The following NUBPL variants were observed in gnomAD, a reference collection of about 807,000 sequenced individuals.
The protein encoded by NUBPL is iron-sulfur cluster transfer protein NUBPL.
In NUBPL, 31 loss-of-function variants were observed where a neutral mutation model predicts 45.7. The observed-to-expected ratio is 0.68, with a 90% confidence interval of 0.51 to 0.92. The LOEUF (loss-of-function observed/expected upper bound fraction) is 0.92. NUBPL is among the 40% of genes least tolerant of loss of function. The pLI is 0.00. For missense variants in NUBPL, 401 were observed against 398.7 expected (o/e 1.01, Z -0.05); for synonymous variants, 144 against 140.9 (o/e 1.02, Z -0.15).
intron 6 of NUBPL, among the ~76,000 whole-genome samples, chr14:31,699,959 G>A (rs935429462): frequency 6.6e-6 from 1 of 152,180 alleles, no homozygotes; most frequent in Non-Finnish European, 1.5e-5. Context: ...AAAATGTTAA[G>A]TATGTGAGGT....
At chr14:31,640,927 C>T (rs2035675822) in intron 4 of NUBPL, among the ~76,000 whole-genome samples, 1 of 149,728 alleles carries the variant, frequency 6.7e-6, no homozygotes, top group Admixed American at 6.8e-5. Context: ...TATTGAATAC[C>T]AGGTCTTATT....
At chr14:31,649,649 C>T (rs867383466) in intron 4 of NUBPL, among the ~76,000 whole-genome samples, 2 of 152,092 alleles carry the variant, frequency 1.3e-5, no homozygotes, top group South Asian at 4.1e-4. Flanking sequence ...TAAAGTCTCA[C>T]CTAAGTTGAC....
intron 7 of NUBPL, among the ~76,000 whole-genome samples, chr14:31,809,226 G>A (rs142188748): frequency 5.9e-4 from 90 of 152,236 alleles, no homozygotes; most frequent in African/African-American, 1.8e-3. Flanking sequence ...GATAGAATTC[G>A]GCTGTGAATC....
At chr14:31,853,031 A>C (rs145484590) in intron 10 of NUBPL, among the ~76,000 whole-genome samples, 24 of 152,218 alleles carry the variant, frequency 1.6e-4, no homozygotes, top group African/African-American at 5.5e-4. Flanking sequence ...AAAACCTATA[A>C]TGTTATTTGT....
chr14:31,613,985 A>G (rs1308828174), intron 4 of NUBPL, among the ~76,000 whole-genome samples: 1 of 152,104 alleles, frequency 6.6e-6, no homozygotes, highest in African/African-American at 2.4e-5. Context: ...GTTTGTATTC[A>G]TTTTATTGCA....
chr14:31,841,917 C>CTTTTGTTTTTTTTTTTTTTTTTTTTTTT lies in NUBPL; in HGVS notation c.694-4550_694-4549insGTTTTTTTTTTTTTTTTTTTTTTTTTTT. 1.8e-3 allele frequency among the ~76,000 whole-genome samples: 77 copies of CTTTTGTTTTTTTTTTTTTTTTTTTTTTT among 43,050 alleles called. 8 individuals are homozygous for CTTTTGTTTTTTTTTTTTTTTTTTTTTTT. Among genetic ancestry groups the CTTTTGTTTTTTTTTTTTTTTTTTTTTTT allele is most frequent in the Non-Finnish European group, 2.3e-3 (54 of 23,472 alleles). 28.2% of individuals were successfully genotyped at this position (43,050 alleles called of 152,430 possible). A position where few individuals can be genotyped will look rare whatever the true frequency, so the allele number is the denominator to read the frequency against. Reference sequence around the variant, plus strand: ...CTTTCATGTATGGGTCGATTCTGGGCTTTTTTTTTTTTTTTTTTTTTTTTT... The same window carrying CTTTTGTTTTTTTTTTTTTTTTTTTTTTT: ...CTTTCATGTATGGGTCGATTCTGGGCTTTTGTTTTTTTTTTTTTTTTTTTTTTTTTTTTTTTTTTTTTTTTTTTTTTTT... On this transcript the variant is annotated intron_variant, in intron 8 of 10. Coordinates refer to ENST00000281081, the MANE Select transcript of NUBPL (RefSeq NM_025152.3).
At chr14:31,757,705 C>A (rs542450442) in intron 6 of NUBPL, among the ~76,000 whole-genome samples, 1 of 152,176 alleles carries the variant, frequency 6.6e-6, no homozygotes, top group African/African-American at 2.4e-5. Context: ...GGTTCATGTA[C>A]TGTTTATTCT....
chr14:31,569,319 C>T (rs1042015200), intron 3 of NUBPL, among the ~76,000 whole-genome samples: 1 of 152,088 alleles, frequency 6.6e-6, no homozygotes, highest in African/African-American at 2.4e-5. Context: ...GCCTCATCCT[C>T]CTGAGCAGCT....
intron 4 of NUBPL, among the ~76,000 whole-genome samples, chr14:31,637,880 A>C (rs2035554167): frequency 6.6e-6 from 1 of 152,094 alleles, no homozygotes; most frequent in Non-Finnish European, 1.5e-5. Context: ...GTTGGTTTAA[A>C]GTCTGTTTTA....
intron 4 of NUBPL, among the ~76,000 whole-genome samples, chr14:31,639,248 G>A (rs1055740228): frequency 9.9e-5 from 15 of 152,110 alleles, no homozygotes; most frequent in South Asian, 2.1e-4. Flanking sequence ...TGATGGTGAT[G>A]TACAGATGGG....
intron 6 of NUBPL, among the ~76,000 whole-genome samples, chr14:31,704,769 A>C (rs1205922591): frequency 6.6e-6 from 1 of 152,062 alleles, no homozygotes; most frequent in African/African-American, 2.4e-5. Context: ...TCTACCCACC[A>C]CCTTGGATAA....
At chr14:31,827,435 C>A (rs1213973124) in intron 8 of NUBPL, among the ~76,000 whole-genome samples, 2 of 151,588 alleles carry the variant, frequency 1.3e-5, no homozygotes, top group Non-Finnish European at 2.9e-5. Context: ...GAAAGAAGAA[C>A]CTGTGTATGT....
At chr14:31,657,303 T>C (rs2036163349) in intron 4 of NUBPL, among the ~76,000 whole-genome samples, 1 of 152,208 alleles carries the variant, frequency 6.6e-6, no homozygotes, top group Non-Finnish European at 1.5e-5. Flanking sequence ...ATATGGGCCA[T>C]TCATATAAGC....
chr14:31,593,533 A>AAAAAAAAAAG, intron 3 of NUBPL, among the ~76,000 whole-genome samples: 1 of 151,250 alleles, frequency 6.6e-6, no homozygotes, highest in African/African-American at 2.4e-5. Context: ...AAAAAAAAAA[A>AAAAAAAAAAG]AAAAGAGTGA....
At chr14:31,858,011 CAG>C (rs1359477918) in intron 10 of NUBPL, among the ~76,000 whole-genome samples, 3 of 152,082 alleles carry the variant, frequency 2.0e-5, no homozygotes, top group Admixed American at 6.6e-5. Context: ...AAAGACATAC[CAG>C]AGACTGGGCA....
chr14:31,697,937 A>G (rs1406537836), intron 6 of NUBPL, among the ~76,000 whole-genome samples: 2 of 152,122 alleles, frequency 1.3e-5, no homozygotes, highest in African/African-American at 4.8e-5. Context: ...GTCAGATGTC[A>G]AAAGCCTACT....
At chr14:31,626,169 AT>A (rs1022854067) in intron 4 of NUBPL, among the ~76,000 whole-genome samples, 2 of 138,934 alleles carry the variant, frequency 1.4e-5, no homozygotes, top group African/African-American at 3.3e-5. Flanking sequence ...ATTTTATTTT[AT>A]TTTTTTATTT....
At chr14:31,856,141 G>A (rs1259056765) in intron 10 of NUBPL, among the ~76,000 whole-genome samples, 9 of 152,152 alleles carry the variant, frequency 5.9e-5, no homozygotes, top group South Asian at 4.1e-4. Flanking sequence ...TGTGGCTAGG[G>A]AGGTCTCACA....
intron 7 of NUBPL, among the ~76,000 whole-genome samples, chr14:31,809,888 C>A (rs1248004975): frequency 1.3e-5 from 2 of 152,178 alleles, no homozygotes; most frequent in East Asian, 3.8e-4. Flanking sequence ...AGTAGTCATT[C>A]AGGAGCAGGT....
Sources: allele counts gnomAD v4.1 joint callset (sites outside exome capture counted in the v4.1 genomes callset), GRCh38; gene constraint gnomAD v4.1.1; transcripts MANE v1.5; gene names NCBI Gene and HGNC (gene_info 2026-07-23, HGNC 2026-07-21).